Variants in EFR3A observed in about 807,000 individuals in gnomAD.
EFR3A encodes EFR3 homolog A, also known as protein EFR3 homolog A.
A neutral mutation model predicts 104.4 loss-of-function variants in EFR3A; 76 were observed. The observed-to-expected ratio is 0.73, with a 90% CI of 0.60 to 0.88. EFR3A has a LOEUF of 0.88. EFR3A is among the 40% of genes least tolerant of loss of function. The probability of loss-of-function intolerance (pLI) is 0.00; values close to 1 mark genes in which losing one functional copy is unlikely to be tolerated. For synonymous variants in EFR3A, 330 were observed against 330.0 expected (o/e 1.00, Z 0.00); for missense variants, 985 against 1,012.5 (o/e 0.97, Z 0.37).
At position 131,960,364 on chromosome 8, in the gene EFR3A, A is replaced by G. The variant is rs549021293; in HGVS notation, c.855+701A>G. ...TATATGGGGGCTGATTTTTTTCCTC[A>G]CAGGGCCAACTGCAGGACTTGAATA... On this transcript the variant is annotated intron_variant, in intron 8 of 22. Transcript: ENST00000254624. Among the ~76,000 whole-genome samples, 280 of 152,102 alleles carry G rather than the reference A, an allele frequency of 1.8e-3. 2 individuals are homozygous for G. The highest frequency in any genetic ancestry group is 6.6e-3 in the African/African-American group (272 of 41,496).
At chr8:131,914,372 G>T (rs899295526) in intron 1 of EFR3A, among the ~76,000 whole-genome samples, 4 of 152,114 alleles carry the variant, frequency 2.6e-5, no homozygotes, top group Non-Finnish European at 2.9e-5. Context: ...TCTGCCCCAG[G>T]ACAGTTCTAT....
chr8:131,936,970 G>T lies in EFR3A; in HGVS notation c.11-3529G>T, dbSNP rs150415109. 9.9e-5 allele frequency among the ~76,000 whole-genome samples: 15 copies of T among 152,036 alleles called. No homozygotes were observed. The South Asian group carries it at 2.7e-3, about 27-fold the overall frequency. Reference sequence around the variant, plus strand: ...ACCAACTTAACTATCAGCCCCTCCCGCATCCTTAGAGGTTAGGGGTTGTGG... The same window carrying T: ...ACCAACTTAACTATCAGCCCCTCCCTCATCCTTAGAGGTTAGGGGTTGTGG... On this transcript the variant is annotated intron_variant, in intron 1 of 22. Transcript: ENST00000254624.
rs1822382020 is a variant in EFR3A, at chr8:132,012,314, G to A, written c.*1419G>A. On this transcript the variant is annotated 3_prime_UTR_variant, in exon 23 of 23. Coordinates refer to ENST00000254624, the MANE Select transcript of EFR3A (RefSeq NM_015137.6). ...CTTTAGTAGAAACAGACAAAAGTAA[G>A]GAAACGATAATAGGACAAGCATACT... The A allele has an allele frequency of 6.6e-6, 1 of 152,106 alleles. No individual in the cohort carries two copies. Among genetic ancestry groups the A allele is most frequent in the South Asian group, 2.1e-4 (1 of 4,834 alleles). The allele number at this position is 152,106 out of a possible 1,614,324, so 9.4% of individuals were successfully genotyped here. A position where few individuals can be genotyped will look rare whatever the true frequency, so the allele number is the denominator to read the frequency against.
chr8:131,911,946 C>T lies in EFR3A; in HGVS notation c.10+7624C>T, dbSNP rs77097192. 2.4e-3 allele frequency among the ~76,000 whole-genome samples: 358 copies of T among 152,098 alleles called. 4 individuals carry two copies. In the East Asian group the frequency reaches 0.045, roughly 19 times the overall value. ...ATGATCAGTTTTTACGCAGAAAGGC[C>T]GAGGGAAAGTTAGAGTAATATTTTT... On this transcript the variant is annotated intron_variant, in intron 1 of 22. Transcript: ENST00000254624.
In EFR3A at chr8:132,002,576, A is replaced by G. The variant is rs535082230; in HGVS notation, c.2207-27A>G. ...TTCTGTGAAATTATGTATTCCCTTTAATAAGTCTTTATAAATATTTGTATA... is the reference window on the plus strand; with the variant it reads ...TTCTGTGAAATTATGTATTCCCTTTGATAAGTCTTTATAAATATTTGTATA... On this transcript the variant is annotated intron_variant, in intron 20 of 22. Coordinates refer to ENST00000254624, the MANE Select transcript of EFR3A (RefSeq NM_015137.6). 48 of 1,564,358 alleles carry G rather than the reference A, an allele frequency of 3.1e-5. No homozygotes were observed. In the South Asian group the frequency reaches 4.7e-4, roughly 15 times the overall value.
At chr8:131,951,165 A>G (rs1001019090) in intron 5 of EFR3A, among the ~76,000 whole-genome samples, 2 of 152,160 alleles carry the variant, frequency 1.3e-5, no homozygotes, top group Non-Finnish European at 2.9e-5. Context: ...ATGAAACAAA[A>G]ACAAGTATAA....
intron 1 of EFR3A, among the ~76,000 whole-genome samples, chr8:131,904,685 A>T (rs1816151602): frequency 6.6e-6 from 1 of 152,202 alleles, no homozygotes. Context: ...TACCATTGTC[A>T]GTCCCTTCTC....
At chr8:131,983,424 A>G (rs1431956944) in intron 14 of EFR3A, among the ~76,000 whole-genome samples, 2 of 152,120 alleles carry the variant, frequency 1.3e-5, no homozygotes, top group African/African-American at 2.4e-5. Flanking sequence ...AATTGAGTTA[A>G]TGTCGCCATT....
intron 1 of EFR3A, among the ~76,000 whole-genome samples, chr8:131,936,709 T>C (rs1817910699): frequency 6.6e-6 from 1 of 152,100 alleles, no homozygotes; most frequent in Admixed American, 6.6e-5. Flanking sequence ...TTTACCAGTT[T>C]ATTATAAAGG....
intron 8 of EFR3A, among the ~76,000 whole-genome samples, chr8:131,965,978 G>A (rs953227285): frequency 4.3e-4 from 66 of 151,980 alleles, no homozygotes; most frequent in African/African-American, 1.5e-3. Flanking sequence ...ACCAAACACC[G>A]CATGTTCTCA....
At chr8:131,938,372 T>A in intron 1 of EFR3A, 1 of 395,936 alleles carries the variant, frequency 2.5e-6, no homozygotes, top group East Asian at 3.6e-5. Flanking sequence ...AATATTCATA[T>A]TTATTTAAAA....
chr8:131,987,683 G>A lies in EFR3A; in HGVS notation c.2046G>A (p.Pro682=), dbSNP rs775874206. 15 of 1,594,446 alleles carry A rather than the reference G, an allele frequency of 9.4e-6. No homozygotes were observed. Among genetic ancestry groups the A allele is most frequent in the Admixed American group, 3.5e-5 (2 of 57,032 alleles). The change falls in exon 18 of 23, where the codon CCG becomes CCA. Residue 682 remains proline (P), a synonymous_variant. Transcript: ENST00000254624. ...ATAGTGTTGAGAGATTGTCAGTTCC[G>A]TATGTACCACAAGTAACAGGTAAGA... The part of the protein sequence containing the change: ...SGYSVERLSV[P]YVPQVTDEDR...
At chr8:131,940,195 G>A (rs73349357) in intron 1 of EFR3A, 3,460 of 291,206 alleles carry the variant, frequency 0.012, 136 homozygotes, top group African/African-American at 0.068. Context: ...TGCCGGAGTT[G>A]CGGGCAGATG....
At chr8:131,997,087 A>C (rs1209841122) in intron 19 of EFR3A, among the ~76,000 whole-genome samples, 1 of 152,070 alleles carries the variant, frequency 6.6e-6, no homozygotes, top group Non-Finnish European at 1.5e-5. Context: ...CGTTTCAAAA[A>C]AGCACAAGAG....
chr8:131,993,587 A>T (rs992325161), intron 18 of EFR3A, among the ~76,000 whole-genome samples: 7 of 152,090 alleles, frequency 4.6e-5, no homozygotes, highest in African/African-American at 1.7e-4. Flanking sequence ...CAGTATATAC[A>T]GAATGGGATT....
chr8:131,967,074 C>T (rs1586620783), intron 8 of EFR3A, among the ~76,000 whole-genome samples: 1 of 152,150 alleles, frequency 6.6e-6, no homozygotes, highest in South Asian at 2.1e-4. Context: ...TAAAGGCAGA[C>T]TAATAATTGC....
At chr8:131,986,292 G>T in intron 17 of EFR3A, 31 bp downstream of exon 17, 1 of 1,189,752 alleles carries the variant, frequency 8.4e-7, no homozygotes, top group South Asian at 1.4e-5. Context: ...TTAAGGATGG[G>T]GTACTGACTT....
At chr8:131,979,684 C>G (rs1820510372) in intron 14 of EFR3A, among the ~76,000 whole-genome samples, 1 of 152,036 alleles carries the variant, frequency 6.6e-6, no homozygotes, top group African/African-American at 2.4e-5. Context: ...ATAATTCTTG[C>G]CCTGGCAGTC....
chr8:131,940,327 A>G (rs752020820), intron 1 of EFR3A, 172 bp from the exon 2 acceptor site: 3 of 680,792 alleles, frequency 4.4e-6, no homozygotes, highest in East Asian at 2.8e-5. Flanking sequence ...GAGTAAGGAT[A>G]AGAAATTTAA....
Sources: allele counts gnomAD v4.1 joint callset (sites outside exome capture counted in the v4.1 genomes callset), GRCh38; gene constraint gnomAD v4.1.1; transcripts MANE v1.5; gene names NCBI Gene and HGNC (gene_info 2026-07-23, HGNC 2026-07-21).